WDR7: variants seen among roughly 807,000 people sequenced by gnomAD.
WDR7 encodes WD repeat-containing protein 7.
Under a neutral mutation model 169.4 loss-of-function variants are expected in WDR7, and 46 were observed. That is an observed-to-expected ratio of 0.27 (90% CI 0.21 to 0.35). The LOEUF is 0.35. WDR7 is among the 10% of genes least tolerant of loss of function. The probability of loss-of-function intolerance (pLI) is 1.00; values close to 1 mark genes in which losing one functional copy is unlikely to be tolerated. For missense variants in WDR7, 1,534 were observed against 1,859.3 expected (o/e 0.83, Z 3.22); for synonymous variants, 612 against 666.8 (o/e 0.92, Z 1.27).
intron 20 of WDR7, among the ~76,000 whole-genome samples, chr18:56,822,330 AAT>A (rs2045113796): frequency 6.6e-6 from 1 of 152,180 alleles, no homozygotes; most frequent in South Asian, 2.1e-4. Flanking sequence ...CTGATACATT[AAT>A]ATGTTTATAC....
chr18:56,869,757 G>A (rs1039315502), intron 20 of WDR7, among the ~76,000 whole-genome samples: 1 of 152,116 alleles, frequency 6.6e-6, no homozygotes. Context: ...TAGGTGCACA[G>A]GTTGAAATTT....
chr18:56,710,179 A>G (rs1423003511), intron 12 of WDR7, among the ~76,000 whole-genome samples: 1 of 151,330 alleles, frequency 6.6e-6, no homozygotes, highest in Non-Finnish European at 1.5e-5. Context: ...AATTTTTTGT[A>G]TTTTTAGTAG....
chr18:56,732,575 C>T lies in WDR7; in HGVS notation c.1989+978C>T, dbSNP rs202014046. ...GTAGGCAGTTCCACTGACCCACATC[C>T]TCCAGTAGTTCGCAGTAATGTCACC... On this transcript the variant is annotated intron_variant, in intron 14 of 27. Transcript: ENST00000254442. Among the ~76,000 whole-genome samples, 9 of 152,312 alleles carry T rather than the reference C, an allele frequency of 5.9e-5. No homozygotes were observed. In the East Asian group the frequency reaches 1.7e-3, roughly 29 times the overall value.
chr18:56,792,630 A>G (rs1192937725), intron 19 of WDR7, among the ~76,000 whole-genome samples: 1 of 93,768 alleles, frequency 1.1e-5, no homozygotes, highest in African/African-American at 3.6e-5. Flanking sequence ...TTTTTTTTTG[A>G]AAAATGTTTC....
chr18:56,839,511 A>G (rs1000843805), intron 20 of WDR7, among the ~76,000 whole-genome samples: 4 of 152,280 alleles, frequency 2.6e-5, no homozygotes, highest in South Asian at 2.1e-4. Context: ...AATTATTACT[A>G]TTCTTTAATA....
chr18:56,750,628 C>A (rs563187670), intron 14 of WDR7, among the ~76,000 whole-genome samples: 1 of 152,290 alleles, frequency 6.6e-6, no homozygotes, highest in Admixed American at 6.5e-5. Flanking sequence ...AAGCTTCCTG[C>A]TAGAGAATTT....
chr18:56,894,066 A>G (rs193074165), intron 21 of WDR7, among the ~76,000 whole-genome samples: 4 of 152,070 alleles, frequency 2.6e-5, no homozygotes, highest in East Asian at 3.9e-4. Context: ...TTTCTCTGAC[A>G]TAACACATCT....
intron 26 of WDR7, among the ~76,000 whole-genome samples, chr18:56,966,461 T>A (rs2145786774): frequency 6.6e-6 from 1 of 152,182 alleles, no homozygotes; most frequent in South Asian, 2.1e-4. Flanking sequence ...GTAAATAGAT[T>A]TTCTCTTCCT....
chr18:56,695,241 C>G (rs767427735), intron 11 of WDR7, 43 bp downstream of exon 11: 2 of 1,582,414 alleles, frequency 1.3e-6, no homozygotes, highest in Non-Finnish European at 1.7e-6. Context: ...TTTGACAACT[C>G]TTACCCAGAG....
Position 56,843,380 on chromosome 18 carries a change from T to C in WDR7, c.3304+27236T>C, listed in dbSNP as rs947348263. 9.4e-4 allele frequency among the ~76,000 whole-genome samples: 143 copies of C among 152,208 alleles called. 2 individuals are homozygous for C. The highest frequency in any genetic ancestry group is 3.4e-4 in the Non-Finnish European group (23 of 68,028). ...CATTGAATGCTAACTTCCCATTCTT[T>C]CCTGCCTCCATCCTCTGTCAACCAC... On this transcript the variant is annotated intron_variant, in intron 20 of 27. Coordinates refer to ENST00000254442, the MANE Select transcript of WDR7 (RefSeq NM_015285.3).
intron 21 of WDR7, among the ~76,000 whole-genome samples, chr18:56,907,953 C>T (rs1021119251): frequency 6.6e-5 from 10 of 152,106 alleles, no homozygotes; most frequent in African/African-American, 2.2e-4. Flanking sequence ...TAGGTGGGAC[C>T]GAATGGCTTT....
chr18:56,973,738 G>A (rs898457429), intron 26 of WDR7, among the ~76,000 whole-genome samples: 4 of 152,178 alleles, frequency 2.6e-5, no homozygotes, highest in African/African-American at 9.7e-5. Context: ...TGTAAAGAGT[G>A]CTGATGCTGA....
chr18:56,765,697 C>T (rs1187455227), intron 16 of WDR7, among the ~76,000 whole-genome samples: 4 of 152,080 alleles, frequency 2.6e-5, no homozygotes, highest in African/African-American at 9.7e-5. Flanking sequence ...TTTTGGTATT[C>T]TACATTCCTT....
intron 19 of WDR7, among the ~76,000 whole-genome samples, chr18:56,783,189 T>C (rs757996092): frequency 1.0e-4 from 15 of 150,042 alleles, no homozygotes; most frequent in Admixed American, 2.0e-4. Flanking sequence ...CATCTAGACA[T>C]ATAGACTCTA....
At position 56,651,375 on chromosome 18, in the gene WDR7, T is replaced by TGGCGGCGGC. The variant is rs150700087; in HGVS notation, c.-214_-206dup. 2.2e-4 allele frequency: 33 copies of TGGCGGCGGC among 153,178 alleles called. No individual in the cohort carries two copies. The highest frequency in any genetic ancestry group is 4.9e-4 in the African/African-American group (20 of 41,226). The allele number at this position is 153,178 out of a possible 1,614,324, so 9.5% of individuals were successfully genotyped here. A position where few individuals can be genotyped will look rare whatever the true frequency, so the allele number is the denominator to read the frequency against. On this transcript the variant is annotated 5_prime_UTR_variant, in exon 1 of 28. Transcript: ENST00000254442. ...GCTGGTGTCAGCTGATTTACTGCAG[T>TGGCGGCGGC]GGCGGCGGCGGCGGCACCGGCACCT...
intron 20 of WDR7, among the ~76,000 whole-genome samples, chr18:56,856,129 C>T (rs1381697090): frequency 1.3e-5 from 2 of 152,178 alleles, no homozygotes; most frequent in African/African-American, 4.8e-5. Flanking sequence ...AAGACTGACT[C>T]TTTAGAACAA....
Position 56,839,055 on chromosome 18 carries a change from C to G in WDR7, c.3304+22911C>G, listed in dbSNP as rs148938143. On this transcript the variant is annotated intron_variant, in intron 20 of 27. Transcript: ENST00000254442. ...TTCTCCATATTGTTTATGCTCTATA[C>G]TTGTGTGTTTAACAAAGCTAAATTA... is the stretch of plus-strand genomic sequence containing the variant. Among the ~76,000 whole-genome samples, 239 of 152,228 alleles carry G rather than the reference C, an allele frequency of 1.6e-3. 1 individual carries two copies. The highest frequency in any genetic ancestry group is 2.2e-3 in the Non-Finnish European group (152 of 67,976).
chr18:56,684,470 G>A (rs1285139536), intron 5 of WDR7, among the ~76,000 whole-genome samples: 1 of 152,200 alleles, frequency 6.6e-6, no homozygotes, highest in Non-Finnish European at 1.5e-5. Flanking sequence ...GCTGTGTTGC[G>A]ATAAAACTTT....
At chr18:56,833,145 C>T (rs1048793895) in intron 20 of WDR7, among the ~76,000 whole-genome samples, 4 of 151,924 alleles carry the variant, frequency 2.6e-5, no homozygotes, top group East Asian at 1.9e-4. Context: ...AGAACATAAA[C>T]GACCTGATGG....
Sources: gnomAD v4.1 joint callset for allele counts (sites outside exome capture counted in the v4.1 genomes callset) on GRCh38, gnomAD v4.1.1 for gene constraint, MANE v1.5 for transcripts, NCBI Gene and HGNC (gene_info 2026-07-23, HGNC 2026-07-21) for gene names.